The following PGM5 variants were observed in gnomAD, a reference collection of about 807,000 sequenced individuals.
PGM5 encodes the protein phosphoglucomutase 5, also known as phosphoglucomutase-like protein 5.
Under a neutral mutation model 59.2 loss-of-function variants are expected in PGM5, and 23 were observed. The observed-to-expected ratio is 0.39, with a 90% confidence interval of 0.28 to 0.55. The LOEUF (loss-of-function observed/expected upper bound fraction) is 0.55, where lower values mean the gene tolerates loss of function less well. PGM5 is among the 20% of genes least tolerant of loss of function. The probability of loss-of-function intolerance (pLI) is 0.66; values close to 1 mark genes in which losing one functional copy is unlikely to be tolerated. For missense variants in PGM5, 574 were observed against 748.3 expected, an observed-to-expected ratio of 0.77 and a Z score of 2.72; for synonymous variants, 214 against 286.0, an observed-to-expected ratio of 0.75 and a Z score of 2.54.
At chr9:68,410,394 G>A (rs1232391184) in intron 6 of PGM5, among the ~76,000 whole-genome samples, 1 of 152,114 alleles carries the variant, frequency 6.6e-6, no homozygotes, top group African/African-American at 2.4e-5. Context: ...TGTACTGTGG[G>A]TTTAGATGAT....
At chr9:68,444,155 G>A (rs1472321857) in intron 6 of PGM5, among the ~76,000 whole-genome samples, 3 of 151,410 alleles carry the variant, frequency 2.0e-5, no homozygotes, top group Non-Finnish European at 4.4e-5. Flanking sequence ...AGGATGGGGT[G>A]TTTTGGGATC....
intron 1 of PGM5, among the ~76,000 whole-genome samples, chr9:68,359,470 T>C (rs576007841): frequency 3.5e-4 from 54 of 152,338 alleles, no homozygotes; most frequent in Admixed American, 3.1e-3. Context: ...TTTCCTCATT[T>C]TGTTCACCTT....
At chr9:68,461,200 A>G (rs1263537715) in intron 6 of PGM5, among the ~76,000 whole-genome samples, 1 of 152,126 alleles carries the variant, frequency 6.6e-6, no homozygotes, top group African/African-American at 2.4e-5. Context: ...CCTTCAACAC[A>G]TGGCTTTTAA....
At chr9:68,425,753 T>C (rs1823226081) in intron 6 of PGM5, among the ~76,000 whole-genome samples, 1 of 152,190 alleles carries the variant, frequency 6.6e-6, no homozygotes, top group African/African-American at 2.4e-5. Flanking sequence ...GGCCAAACAG[T>C]ATGATAATTT....
intron 10 of PGM5, among the ~76,000 whole-genome samples, chr9:68,525,848 A>C (rs1182160848): frequency 6.6e-6 from 1 of 152,188 alleles, no homozygotes; most frequent in African/African-American, 2.4e-5. Context: ...CGAGGTCAGG[A>C]GATCAAGACC....
chr9:68,367,120 C>T (rs1475980385), intron 1 of PGM5, among the ~76,000 whole-genome samples: 2 of 152,148 alleles, frequency 1.3e-5, no homozygotes, highest in Non-Finnish European at 2.9e-5. Context: ...CAAACACACA[C>T]ATGCACACTC....
intron 6 of PGM5, among the ~76,000 whole-genome samples, chr9:68,453,365 G>T (rs1823726702): frequency 6.6e-6 from 1 of 152,062 alleles, no homozygotes; most frequent in African/African-American, 2.4e-5. Flanking sequence ...TTTTGAGACA[G>T]GGTCTTGCTG....
At chr9:68,434,316 C>CAAAAAAAAAAAAAAAAAAA (rs71353054) in intron 6 of PGM5, among the ~76,000 whole-genome samples, 2 of 90,832 alleles carry the variant, frequency 2.2e-5, no homozygotes, top group Non-Finnish European at 4.2e-5. Context: ...GACTCCGTCT[C>CAAAAAAAAAAAAAAAAAAA]AAAAAAAAAA....
At chr9:68,358,003 T>C (rs1274862571) in intron 1 of PGM5, among the ~76,000 whole-genome samples, 1 of 151,958 alleles carries the variant, frequency 6.6e-6, no homozygotes, top group Non-Finnish European at 1.5e-5. Flanking sequence ...CCCTGAAGGT[T>C]TTTATTATTT....
intron 10 of PGM5, among the ~76,000 whole-genome samples, chr9:68,505,330 C>T (rs1402922332): frequency 1.3e-5 from 2 of 152,078 alleles, no homozygotes; most frequent in East Asian, 3.9e-4. Flanking sequence ...TTCTGTGATT[C>T]CCTGACACCA....
chr9:68,361,049 G>T (rs1834567861), intron 1 of PGM5, among the ~76,000 whole-genome samples: 1 of 152,114 alleles, frequency 6.6e-6, no homozygotes, highest in Non-Finnish European at 1.5e-5. Context: ...TTCCTGAGTA[G>T]CTAGGACTAT....
chr9:68,365,137 C>G (rs1457569739), intron 1 of PGM5, among the ~76,000 whole-genome samples: 25 of 146,194 alleles, frequency 1.7e-4, no homozygotes, highest in African/African-American at 6.2e-4. Context: ...ATCATTAATC[C>G]TAACCCTCTC....
intron 6 of PGM5, among the ~76,000 whole-genome samples, chr9:68,459,362 C>A (rs970737857): frequency 2.6e-5 from 4 of 152,180 alleles, no homozygotes; most frequent in Admixed American, 2.6e-4. Flanking sequence ...ATCATTTATT[C>A]TCTCTCCTCC....
At chr9:68,480,835 G>A (rs568077419) in intron 8 of PGM5, among the ~76,000 whole-genome samples, 13 of 152,128 alleles carry the variant, frequency 8.5e-5, no homozygotes, top group East Asian at 3.8e-4. Context: ...TCACTTTCCC[G>A]TTGTTTAAGT....
chr9:68,392,357 G>T lies in PGM5; in HGVS notation c.927G>T (p.Val309=). 1 of 1,609,606 alleles carries T rather than the reference G, an allele frequency of 6.2e-7. No homozygotes were observed. Among genetic ancestry groups the T allele is most frequent in the East Asian group, 2.2e-5 (1 of 44,860 alleles). ...TCCTAGGCCAAAATGGCTTCTTTGTGAGCCCTTCTGACTCCCTGGCCATCA... is the reference window on the plus strand; with the variant it reads ...TCCTAGGCCAAAATGGCTTCTTTGTTAGCCCTTCTGACTCCCTGGCCATCA... ...YMILGQNGFF[V]SPSDSLAIIA... The change falls in exon 6 of 11, where the codon GTG becomes GTT. Residue 309 remains valine, a synonymous_variant. Coordinates refer to ENST00000396396, the MANE Select transcript of PGM5 (RefSeq NM_021965.4).
At chr9:68,450,271 AAAAC>A (rs1227105609) in intron 6 of PGM5, among the ~76,000 whole-genome samples, 11 of 148,472 alleles carry the variant, frequency 7.4e-5, no homozygotes, top group African/African-American at 2.9e-4. Context: ...AAACAAAAAC[AAAAC>A]AAACAAAAAA....
chr9:68,484,094 T>C, intron 9 of PGM5, 46 bp downstream of exon 9: 4 of 1,540,606 alleles, frequency 2.6e-6, no homozygotes, highest in East Asian at 2.3e-5. Context: ...GCAGAACCAG[T>C]GGCCAAAATG....
At chr9:68,436,952 C>T (rs919800942) in intron 6 of PGM5, among the ~76,000 whole-genome samples, 1 of 152,220 alleles carries the variant, frequency 6.6e-6, no homozygotes, top group Non-Finnish European at 1.5e-5. Context: ...ATTCTCCCAT[C>T]AGCTAAGTGA....
intron 7 of PGM5, among the ~76,000 whole-genome samples, chr9:68,468,133 A>G (rs1458363935): frequency 2.6e-5 from 4 of 152,092 alleles, no homozygotes; most frequent in Admixed American, 2.6e-4. Flanking sequence ...TCACCCAGGA[A>G]TTAAGCCCAG....
Sources: allele counts gnomAD v4.1 joint callset (sites outside exome capture counted in the v4.1 genomes callset), GRCh38; gene constraint gnomAD v4.1.1; transcripts MANE v1.5; gene names NCBI Gene and HGNC (gene_info 2026-07-23, HGNC 2026-07-21).